SAMD5: variants seen among roughly 807,000 people sequenced by gnomAD.
SAMD5 encodes sterile alpha motif domain containing 5.
Under a neutral mutation model 11.3 loss-of-function variants are expected in SAMD5, and 13 were observed. That is an observed-to-expected ratio of 1.15 (90% CI 0.75 to 1.83). SAMD5 has a LOEUF of 1.83. Among genes scored for constraint, SAMD5 ranks in the 40% most tolerant of loss-of-function variants. The pLI is 0.00. For synonymous variants in SAMD5, 129 were observed against 111.3 expected (o/e 1.16, Z -1.00); for missense variants, 255 against 239.1 (o/e 1.07, Z -0.44).
the SAMD5 span, among the ~76,000 whole-genome samples, chr6:147,784,020 G>A: frequency 6.6e-6 from 1 of 152,092 alleles, no homozygotes; most frequent in Admixed American, 6.5e-5. Flanking sequence ...GAATTACATG[G>A]ACCCAATGGC....
the SAMD5 span, among the ~76,000 whole-genome samples, chr6:147,921,752 C>G: frequency 2.0e-5 from 3 of 152,152 alleles, no homozygotes; most frequent in Admixed American, 2.0e-4. Context: ...CCCAGCACCC[C>G]CTGGCCTGTT....
chr6:147,646,058 C>T (rs1484434926), intron 1 of SAMD5, among the ~76,000 whole-genome samples: 1 of 114,342 alleles, frequency 8.7e-6, no homozygotes, highest in Admixed American at 9.1e-5. Context: ...ATCTATCTAT[C>T]TATCTATCTA....
At chr6:147,584,330 C>T (rs1461387805) in intron 1 of SAMD5, among the ~76,000 whole-genome samples, 1 of 152,102 alleles carries the variant, frequency 6.6e-6, no homozygotes, top group East Asian at 1.9e-4. Flanking sequence ...CTATCTTTTG[C>T]CTTTATCTTG....
intron 1 of SAMD5, among the ~76,000 whole-genome samples, chr6:147,709,688 T>C (rs755565700): frequency 2.6e-5 from 4 of 152,196 alleles, no homozygotes; most frequent in Non-Finnish European, 5.9e-5. Flanking sequence ...TATAAACTGT[T>C]AACACCCAGC....
intron 1 of SAMD5, among the ~76,000 whole-genome samples, chr6:147,614,236 GGC>G (rs914336757): frequency 1.3e-5 from 2 of 151,924 alleles, no homozygotes; most frequent in African/African-American, 4.9e-5. Context: ...GGGAGGCAGA[GGC>G]GGGCAGATCA....
chr6:147,793,339 G>A, the SAMD5 span, among the ~76,000 whole-genome samples: 1 of 152,254 alleles, frequency 6.6e-6, no homozygotes, highest in African/African-American at 2.4e-5. Context: ...AACTGTCAAG[G>A]TCATTATAAG....
chr6:147,718,072 G>A (rs1467921193), intron 1 of SAMD5, among the ~76,000 whole-genome samples: 2 of 152,104 alleles, frequency 1.3e-5, no homozygotes, highest in African/African-American at 4.8e-5. Context: ...TTTTTGAAAA[G>A]TATTGGCTTT....
the SAMD5 span, among the ~76,000 whole-genome samples, chr6:147,847,250 T>A: frequency 6.6e-6 from 1 of 152,188 alleles, no homozygotes; most frequent in Non-Finnish European, 1.5e-5. Context: ...TAGGTAAGAC[T>A]AGCTCCAGAG....
chr6:147,770,324 C>T, the SAMD5 span, among the ~76,000 whole-genome samples: 3 of 152,004 alleles, frequency 2.0e-5, no homozygotes, highest in Non-Finnish European at 4.4e-5. Flanking sequence ...CACCTTTCCA[C>T]GTAGGGAAAG....
intron 1 of SAMD5, among the ~76,000 whole-genome samples, chr6:147,513,583 A>G (rs2128439144): frequency 6.6e-6 from 1 of 152,344 alleles, no homozygotes; most frequent in South Asian, 2.1e-4. Context: ...GATGAGCAGT[A>G]GAGGGAGGAG....
chr6:147,763,687 A>G, the SAMD5 span, among the ~76,000 whole-genome samples: 2 of 151,806 alleles, frequency 1.3e-5, no homozygotes, highest in Admixed American at 6.6e-5. Context: ...GCTTCAAGCC[A>G]TTCTCTTGCC....
At chr6:147,670,104 TA>T (rs1349040780) in intron 1 of SAMD5, among the ~76,000 whole-genome samples, 1 of 152,230 alleles carries the variant, frequency 6.6e-6, no homozygotes, top group African/African-American at 2.4e-5. Context: ...CATCTCTTTG[TA>T]CATCTCCATC....
At chr6:147,820,328 G>A in the SAMD5 span, among the ~76,000 whole-genome samples, 1 of 152,082 alleles carries the variant, frequency 6.6e-6, no homozygotes, top group Non-Finnish European at 1.5e-5. Context: ...ATTAAATGAT[G>A]ATATCTATTT....
At chr6:147,857,606 G>C in the SAMD5 span, among the ~76,000 whole-genome samples, 614 of 149,690 alleles carry the variant, frequency 4.1e-3, 32 homozygotes, top group African/African-American at 0.015. Flanking sequence ...ATATAGGTAG[G>C]TTTACTGTAC....
chr6:147,531,261 C>A (rs895093800), intron 1 of SAMD5, among the ~76,000 whole-genome samples: 4 of 151,328 alleles, frequency 2.6e-5, no homozygotes, highest in South Asian at 2.1e-4. Context: ...TATTTTAATC[C>A]TGTTTATGTG....
At chr6:147,796,477 G>A in the SAMD5 span, among the ~76,000 whole-genome samples, 4 of 152,126 alleles carry the variant, frequency 2.6e-5, no homozygotes, top group African/African-American at 4.8e-5. Context: ...TAGCCTTGTA[G>A]TATAGTTTGA....
chr6:147,508,914 G>A lies in SAMD5; in HGVS notation c.-15G>A. ...CGCTGGGAAGGTGCTCGGCGGCGGG[G>A]TTCCCGGTCCCACCATGTGCACCAA... On this transcript the variant is annotated 5_prime_UTR_variant, in exon 1 of 2. Coordinates refer to ENST00000367474, the MANE Select transcript of SAMD5 (RefSeq NM_001030060.3). The A allele has an allele frequency of 6.3e-7, 1 of 1,586,090 alleles. No homozygotes were observed. Among genetic ancestry groups the A allele is most frequent in the Non-Finnish European group, 8.6e-7 (1 of 1,167,404 alleles).
the SAMD5 span, among the ~76,000 whole-genome samples, chr6:147,954,294 G>A: frequency 6.6e-6 from 1 of 152,146 alleles, no homozygotes; most frequent in African/African-American, 2.4e-5. Flanking sequence ...TAGGATACCA[G>A]ATTGAAAAAC....
chr6:147,624,942 G>A (rs927803120), intron 1 of SAMD5, among the ~76,000 whole-genome samples: 7 of 151,896 alleles, frequency 4.6e-5, no homozygotes, highest in Admixed American at 1.3e-4. Context: ...TGCAAGAAGT[G>A]CTTGAGTTTT....
Sources: gnomAD v4.1 joint callset for allele counts (sites outside exome capture counted in the v4.1 genomes callset) on GRCh38, gnomAD v4.1.1 for gene constraint, MANE v1.5 for transcripts, NCBI Gene and HGNC (gene_info 2026-07-23, HGNC 2026-07-21) for gene names.